GFRA3: variants seen among roughly 807,000 people sequenced by gnomAD.
GFRA3 encodes GDNF family receptor alpha 3, also known as GDNF family receptor alpha-3.
In GFRA3, 24 loss-of-function variants were observed where a neutral mutation model predicts 40.0. That is an observed-to-expected ratio of 0.60 (90% CI 0.43 to 0.84). The LOEUF is 0.84. GFRA3 is among the 40% of genes least tolerant of loss of function. The probability of loss-of-function intolerance (pLI) is 0.00; values close to 1 mark genes in which losing one functional copy is unlikely to be tolerated. For synonymous variants in GFRA3, 203 were observed against 213.5 expected (o/e 0.95, Z 0.43); for missense variants, 405 against 530.6 (o/e 0.76, Z 2.33).
rs1164686258 is a variant in GFRA3 at position 138,261,422 on chromosome 5, G to A, written c.380-1773C>T. Among the ~76,000 whole-genome samples, 7 of 152,276 alleles carry A rather than the reference G, an allele frequency of 4.6e-5. No individual in the cohort carries two copies. In the East Asian group the frequency reaches 7.7e-4, roughly 17 times the overall value. ...ATTAAGAAATGCAACTGTGCTGGGC[G>A]CAGTGGCTCATGCCTGTAATCCCGG... is the stretch of plus-strand genomic sequence containing the variant. On this transcript the variant is annotated intron_variant, in intron 2 of 7. Coordinates refer to ENST00000274721, the MANE Select transcript of GFRA3 (RefSeq NM_001496.4).
Position 138,271,913 on chromosome 5 carries a change from T to TGTGTGTGTG in GFRA3, c.91+2420_91+2421insCACACACAC, listed in dbSNP as rs1554111239. 3.3e-3 allele frequency among the ~76,000 whole-genome samples: 181 copies of TGTGTGTGTG among 54,316 alleles called. 1 individual carries two copies. The highest frequency in any genetic ancestry group is 5.4e-3 in the Non-Finnish European group (153 of 28,562). The allele number at this position is 54,316 out of a possible 152,430, so 35.6% of individuals were successfully genotyped here. ...TTCTGTTTTTTTTTTTTTTTTTTTTTTGTGTGTGTGTGTGTGTGTGTGTGT... is the reference window on the plus strand; with the variant it reads ...TTCTGTTTTTTTTTTTTTTTTTTTTTGTGTGTGTGTGTGTGTGTGTGTGTGTGTGTGTGT... On this transcript the variant is annotated intron_variant, in intron 1 of 7. Transcript: ENST00000274721.
At chr5:138,273,326 T>G (rs567509705) in intron 1 of GFRA3, among the ~76,000 whole-genome samples, 1 of 152,240 alleles carries the variant, frequency 6.6e-6, no homozygotes, top group Non-Finnish European at 1.5e-5. Context: ...CAAGTATTAC[T>G]GTGGAAAATA....
In GFRA3 at chr5:138,254,082, A is replaced by G. The variant is rs1400857546; in HGVS notation, c.864T>C (p.Cys288=). The G allele has an allele frequency of 1.8e-5, 29 of 1,612,066 alleles. No homozygotes were observed. The highest frequency in any genetic ancestry group is 2.5e-5 in the Non-Finnish European group (29 of 1,178,358). Residue 288 remains cysteine, a synonymous_variant, in exon 5 of 8, where the codon TGT becomes TGC. Coordinates refer to ENST00000274721, the MANE Select transcript of GFRA3 (RefSeq NM_001496.4). The part of the protein sequence containing the change: ...LGTCATEQSR[C]LRAYLGLIGT... ...CAATCAGCCCCAGGTATGCTCGTAG[A>G]CATCTGGACTGCTCTGTTGCACAAG...
At chr5:138,262,667 T>G (rs76249205) in intron 2 of GFRA3, among the ~76,000 whole-genome samples, 2,832 of 152,244 alleles carry the variant, frequency 0.019, 31 homozygotes, top group Non-Finnish European at 0.027. Context: ...TTGTCCAGGC[T>G]GGTCTTGAAC....
At position 138,252,846 on chromosome 5, in the gene GFRA3, C is replaced by T. The variant is rs554280543; in HGVS notation, c.*122G>A. 3 of 618,912 alleles carry T rather than the reference C, an allele frequency of 4.8e-6. No homozygotes were observed. The highest frequency in any genetic ancestry group is 3.9e-5 in the South Asian group (2 of 51,586). The allele number at this position is 618,912 out of a possible 1,614,324, so 38.3% of individuals were successfully genotyped here. ...AGGATCTGGAGGTCATAACCCTTAG[C>T]TTCTCCTGTGCCCTCATCTGCGCAC... On this transcript the variant is annotated 3_prime_UTR_variant, in exon 8 of 8. Transcript: ENST00000274721.
chr5:138,270,799 A>G (rs1755857625), intron 1 of GFRA3, among the ~76,000 whole-genome samples: 1 of 152,224 alleles, frequency 6.6e-6, no homozygotes, highest in African/African-American at 2.4e-5. Flanking sequence ...GATGAAAAAA[A>G]AAGCTTTTGA....
At chr5:138,270,654 A>C (rs1341172888) in intron 1 of GFRA3, among the ~76,000 whole-genome samples, 1 of 152,172 alleles carries the variant, frequency 6.6e-6, no homozygotes, top group Non-Finnish European at 1.5e-5. Context: ...ATAAATCAGC[A>C]CTAAAGAACT....
intron 1 of GFRA3, among the ~76,000 whole-genome samples, chr5:138,266,696 C>CT (rs573308282): frequency 1.4e-3 from 166 of 122,574 alleles, no homozygotes; most frequent in African/African-American, 3.4e-3. Flanking sequence ...CTTTTCTTTT[C>CT]TTTTTTTTTG....
In GFRA3 at chr5:138,255,903, A is replaced by G. The variant is rs1401369048; in HGVS notation, c.785+1736T>C. 1.2e-4 allele frequency among the ~76,000 whole-genome samples: 10 copies of G among 81,114 alleles called. No individual in the cohort carries two copies. The East Asian group carries it at 3.5e-3, about 29-fold the overall frequency. The allele number at this position is 81,114 out of a possible 152,430, so 53.2% of individuals were successfully genotyped here. On this transcript the variant is annotated intron_variant, in intron 4 of 7. Coordinates refer to ENST00000274721, the MANE Select transcript of GFRA3 (RefSeq NM_001496.4). ...TAACAGAGCAAGACTCTGTCTCAAA[A>G]AAAAAAAAAAAAGAAGAAGAAGAAG... is the stretch of plus-strand genomic sequence containing the variant.
intron 2 of GFRA3, among the ~76,000 whole-genome samples, chr5:138,260,585 A>G (rs952481221): frequency 1.1e-4 from 16 of 152,198 alleles, no homozygotes; most frequent in African/African-American, 3.9e-4. Context: ...CCTGGCCAAC[A>G]TGGTGAAACC....
In GFRA3 at chr5:138,257,957, GGGAAA is replaced by G; in HGVS notation, c.473-11_473-7del. 9.3e-6 allele frequency: 15 copies of G among 1,613,510 alleles called. No homozygotes were observed. The highest frequency in any genetic ancestry group is 1.3e-5 in the Non-Finnish European group (15 of 1,179,506). On this transcript the variant is annotated splice_polypyrimidine_tract_variant and splice_region_variant and intron_variant, in intron 3 of 7. Coordinates refer to ENST00000274721, the MANE Select transcript of GFRA3 (RefSeq NM_001496.4). ...CTTGAGGCAGAGGTCTGAGTCTGGG[GGGAAA>G]GGGCACGGAGTCAGTCGGCTGGGCC... is the stretch of plus-strand genomic sequence containing the variant.
At position 138,264,480 on chromosome 5, in the gene GFRA3, C is replaced by A; in HGVS notation, c.160G>T (p.Asp54Tyr). The A allele has an allele frequency of 6.2e-7, 1 of 1,613,312 alleles. No individual in the cohort carries two copies. The highest frequency in any genetic ancestry group is 1.7e-5 in the Admixed American group (1 of 60,010). Residue 54 changes from aspartate (D) to tyrosine (Y), a missense_variant, in exon 2 of 8, where the codon GAT becomes TAT. By Grantham distance (160) the Asp-to-Tyr change is radical. Coordinates refer to ENST00000274721, the MANE Select transcript of GFRA3 (RefSeq NM_001496.4). Reference protein sequence around the residue: ...CLQARRKCQADPTCSAAYHHL... With the variant: ...CLQARRKCQAYPTCSAAYHHL... ...TGGTAGGCAGCACTGCAGGTGGGAT[C>A]AGCCTGGCACTTCCTCCTGGCCTGG...
intron 4 of GFRA3, among the ~76,000 whole-genome samples, chr5:138,256,688 C>T (rs35837290): frequency 0.18 from 27,528 of 152,024 alleles, 3,298 homozygotes; most frequent in South Asian, 0.32. Context: ...GTGGCTCACA[C>T]CTGTAATCCT....
At chr5:138,267,868 A>G (rs1044187640) in intron 1 of GFRA3, 1 of 152,232 alleles carries the variant, frequency 6.6e-6, no homozygotes, top group African/African-American at 2.4e-5. Flanking sequence ...CAACAAAGCA[A>G]ACGAAAACAT....
chr5:138,269,844 CAAAAAAAAAA>C (rs71585112), intron 1 of GFRA3, among the ~76,000 whole-genome samples: 1 of 80,004 alleles, frequency 1.2e-5, no homozygotes, highest in African/African-American at 5.8e-5. Context: ...GACTCCATCT[CAAAAAAAAAA>C]AAAAAAAAAA....
chr5:138,267,661 C>T (rs772165101), intron 1 of GFRA3: 41 of 198,518 alleles, frequency 2.1e-4, no homozygotes, highest in Non-Finnish European at 3.7e-4. Flanking sequence ...GAATTCCTTC[C>T]TTATCTTGGA....
In GFRA3 at chr5:138,257,846, C is replaced by T. The variant is rs1223473920; in HGVS notation, c.578G>A (p.Arg193His). 2 of 1,613,726 alleles carry T rather than the reference C, an allele frequency of 1.2e-6. No homozygotes were observed. Among genetic ancestry groups the T allele is most frequent in the Non-Finnish European group, 1.7e-6 (2 of 1,179,922 alleles). Reference sequence around the variant, plus strand: ...GAGCAGCTGCCTGAGGCAGACGTGGCGCTGGCAGTGGGGCCCGGAGCACGC... The same window carrying T: ...GAGCAGCTGCCTGAGGCAGACGTGGTGCTGGCAGTGGGGCCCGGAGCACGC... Reference protein sequence around the residue: ...GEACSGPHCQRHVCLRQLLTF... With the variant: ...GEACSGPHCQHHVCLRQLLTF... The change falls in exon 4 of 8, where the codon CGC (arginine) becomes CAC (histidine). Residue 193 changes from arginine (R) to histidine (H), a missense_variant. Coordinates refer to ENST00000274721, the MANE Select transcript of GFRA3 (RefSeq NM_001496.4).
Position 138,257,971 on chromosome 5 carries a change from A to G in GFRA3, c.473-20T>C, listed in dbSNP as rs772218800. The G allele has an allele frequency of 1.7e-5, 27 of 1,609,388 alleles. No homozygotes were observed. The highest frequency in any genetic ancestry group is 1.0e-4 in the Admixed American group (6 of 59,934). ...CTGAGTCTGGGGGGAAAGGGCACGG[A>G]GTCAGTCGGCTGGGCCCTCTGCACG... On this transcript the variant is annotated intron_variant, in intron 3 of 7. Transcript: ENST00000274721.
At chr5:138,266,672 C>CTTTCTTTTCTTTCT (rs1755789342) in intron 1 of GFRA3, among the ~76,000 whole-genome samples, 1 of 150,332 alleles carries the variant, frequency 6.7e-6, no homozygotes, top group East Asian at 2.0e-4. Flanking sequence ...CTTTTTCTTT[C>CTTTCTTTTCTTTCT]TTTCTTTTCT....
Sources: gnomAD v4.1 joint callset for allele counts (sites outside exome capture counted in the v4.1 genomes callset) on GRCh38, gnomAD v4.1.1 for gene constraint, MANE v1.5 for transcripts, NCBI Gene and HGNC (gene_info 2026-07-23, HGNC 2026-07-21) for gene names.